Variants in UNC45B observed in about 807,000 individuals in gnomAD.
The protein encoded by UNC45B is protein unc-45 homolog B.
Under a neutral mutation model 98.7 loss-of-function variants are expected in UNC45B, and 78 were observed. The observed-to-expected ratio is 0.79, with a 90% CI of 0.66 to 0.95. The LOEUF (loss-of-function observed/expected upper bound fraction) is 0.95, where lower values mean the gene tolerates loss of function less well. UNC45B is among the 40% of genes least tolerant of loss of function. UNC45B has a pLI of 0.00. For synonymous variants in UNC45B, 462 were observed against 480.4 expected, an observed-to-expected ratio of 0.96 and a Z score of 0.50; for missense variants, 1,225 against 1,184.9, an observed-to-expected ratio of 1.03 and a Z score of -0.50.
At chr17:35,179,177 C>A (rs2092256611) in intron 17 of UNC45B, among the ~76,000 whole-genome samples, 1 of 152,200 alleles carries the variant, frequency 6.6e-6, no homozygotes, top group Non-Finnish European at 1.5e-5. Flanking sequence ...TTGATTCTTC[C>A]AATCCATGAG....
At chr17:35,157,099 T>A (rs2092068438) in intron 7 of UNC45B, among the ~76,000 whole-genome samples, 1 of 152,160 alleles carries the variant, frequency 6.6e-6, no homozygotes, top group Non-Finnish European at 1.5e-5. Flanking sequence ...ATCATAATCT[T>A]CCCTTGTATG....
At position 35,177,548 on chromosome 17, in the gene UNC45B, G is replaced by C. The variant is rs905450657; in HGVS notation, c.2193G>C (p.Gly731=). 1 of 1,566,618 alleles carries C rather than the reference G, an allele frequency of 6.4e-7. No homozygotes were observed. Among genetic ancestry groups the C allele is most frequent in the African/African-American group, 1.4e-5 (1 of 73,804 alleles). ...GACTCTTGGACACACAGAGGGATGG[G>C]CTTCAGAACTATGAGGCTCTCCTAG... ...LVRLLDTQRD[G]LQNYEALLGL... The change falls in exon 17 of 20, where the codon GGG becomes GGC. Residue 731 remains glycine, a synonymous_variant. Coordinates refer to ENST00000394570, the MANE Select transcript of UNC45B (RefSeq NM_001267052.2).
intron 2 of UNC45B, 30 bp from the exon 3 acceptor site, chr17:35,148,943 C>T (rs766918096): frequency 7.4e-6 from 12 of 1,613,842 alleles, no homozygotes; most frequent in Admixed American, 5.0e-5. Context: ...CCACATTAAC[C>T]GAGTCTCCTT....
At chr17:35,175,091 A>AAGAAAGAAAGAAAGAAAG (rs1567766068) in intron 14 of UNC45B, among the ~76,000 whole-genome samples, 7 of 132,676 alleles carry the variant, frequency 5.3e-5, no homozygotes, top group East Asian at 2.1e-4. Context: ...AAGAAAGAGA[A>AAGAAAGAAAGAAAGAAAG]AGAAAGAAAA....
chr17:35,174,401 AG>A (rs2092212198), intron 14 of UNC45B, 32 bp downstream of exon 14: 1 of 1,613,554 alleles, frequency 6.2e-7, no homozygotes, highest in Non-Finnish European at 8.5e-7. Flanking sequence ...GCTTGGAACT[AG>A]GGCTGGGGGC....
At chr17:35,159,636 AG>A (rs1287226096) in intron 8 of UNC45B, 91 bp downstream of exon 8, 2 of 1,411,390 alleles carry the variant, frequency 1.4e-6, no homozygotes, top group Non-Finnish European at 1.9e-6. Context: ...AGGCTCTTGA[AG>A]GGGTCTTCAG....
chr17:35,186,617 T>G lies in UNC45B; in HGVS notation c.*58T>G. ...TGTACTGTGCAGAGTCCTGGGTTGG[T>G]TGGGTTCTCCTGAAGAGTCAGGTCA... is the stretch of plus-strand genomic sequence containing the variant. On this transcript the variant is annotated 3_prime_UTR_variant, in exon 20 of 20. Transcript: ENST00000394570. The G allele has an allele frequency of 1.9e-6, 3 of 1,584,362 alleles. No individual in the cohort carries two copies. Among genetic ancestry groups the G allele is most frequent in the Non-Finnish European group, 2.6e-6 (3 of 1,161,440 alleles).
At position 35,154,694 on chromosome 17, in the gene UNC45B, G is replaced by C. The variant is rs1228619263; in HGVS notation, c.592G>C (p.Ala198Pro). 1.2e-6 allele frequency: 2 copies of C among 1,611,312 alleles called. No homozygotes were observed. Among genetic ancestry groups the C allele is most frequent in the Non-Finnish European group, 1.7e-6 (2 of 1,179,390 alleles). ...LDTKKPELVL[A>P]AVRTLSGMCS... ...CACTAAGAAGCCTGAGCTGGTGCTG[G>C]CTGCAGTGCGGACCCTGTCGGGCAT... The change falls in exon 6 of 20, where the codon GCT becomes CCT. Residue 198 changes from alanine (A) to proline (P), a missense_variant. By Grantham distance (27) the Ala-to-Pro change is conservative (BLOSUM62 -1). Coordinates refer to ENST00000394570, the MANE Select transcript of UNC45B (RefSeq NM_001267052.2).
chr17:35,175,936 T>C, intron 14 of UNC45B, 32 bp from the exon 15 acceptor site: 1 of 1,609,128 alleles, frequency 6.2e-7, no homozygotes, highest in Non-Finnish European at 8.5e-7. Flanking sequence ...TGCTGGTGTA[T>C]TAACTGTTCT....
chr17:35,174,004 G>C (rs1426519042), intron 13 of UNC45B, among the ~76,000 whole-genome samples: 2 of 151,742 alleles, frequency 1.3e-5, no homozygotes, highest in South Asian at 2.1e-4. Context: ...GTAGAGACAG[G>C]GTTTTACCGT....
chr17:35,177,647 G>T, intron 17 of UNC45B, 37 bp downstream of exon 17: 2 of 1,455,246 alleles, frequency 1.4e-6, no homozygotes, highest in South Asian at 2.5e-5. Flanking sequence ...GGAGAGAGGT[G>T]GCTCAAAAAG....
chr17:35,171,421 G>A lies in UNC45B; in HGVS notation c.1789G>A (p.Ala597Thr), dbSNP rs142280963. ...GGTCATCCCAGAGCTTGTCCAGCTC[G>A]CCAAGTTCTCCAAGCAGCATGTGCC... is the stretch of plus-strand genomic sequence containing the variant. The part of the protein sequence containing the change: ...KEVIPELVQL[A>T]KFSKQHVPEE... Residue 597 changes from alanine to threonine, a missense_variant, in exon 13 of 20, where the codon GCC becomes ACC. Transcript: ENST00000394570. The A allele has an allele frequency of 6.8e-5, 110 of 1,614,132 alleles. No homozygotes were observed. The highest frequency in any genetic ancestry group is 4.9e-4 in the Middle Eastern group (3 of 6,062).
intron 4 of UNC45B, 38 bp from the exon 5 acceptor site, chr17:35,152,855 C>A: frequency 1.3e-6 from 2 of 1,540,632 alleles, no homozygotes; most frequent in South Asian, 1.1e-5. Flanking sequence ...GACGTGGACC[C>A]CACCTGCCTC....
chr17:35,171,234 C>A (rs2092183126), intron 12 of UNC45B, 88 bp from the exon 13 acceptor site: 1 of 1,538,746 alleles, frequency 6.5e-7, no homozygotes. Flanking sequence ...CACCAACCTG[C>A]CGGCCACGTG....
In UNC45B at chr17:35,159,499, C is replaced by T; in HGVS notation, c.933C>T (p.Asp311=). 1 of 1,614,092 alleles carries T rather than the reference C, an allele frequency of 6.2e-7. No individual in the cohort carries two copies. The highest frequency in any genetic ancestry group is 8.5e-7 in the Non-Finnish European group (1 of 1,180,010). The change falls in exon 8 of 20, where the codon GAC becomes GAT. Residue 311 remains aspartate (D), a synonymous_variant. Transcript: ENST00000394570. ...NLLNKNVPRK[D]LAIHDNSRTI... ...TCAATAAGAATGTTCCCAGGAAGGA[C>T]CTTGCCATTCATGACAACTCACGTA...
At chr17:35,174,511 G>C in intron 14 of UNC45B, 142 bp downstream of exon 14, 1 of 1,266,476 alleles carries the variant, frequency 7.9e-7, no homozygotes. Context: ...AAAGGTCTGA[G>C]GGGATCAGCT....
In UNC45B at chr17:35,155,658, C is replaced by T. The variant is rs146937853; in HGVS notation, c.808+194C>T. On this transcript the variant is annotated intron_variant, in intron 7 of 19. Transcript: ENST00000394570. ...TAGCGCGATCTAGACTCACTGCAACCTCCTGGATTCAAGCACTTCTCCTGC... is the reference window on the plus strand; with the variant it reads ...TAGCGCGATCTAGACTCACTGCAACTTCCTGGATTCAAGCACTTCTCCTGC... 5.3e-5 allele frequency among the ~76,000 whole-genome samples: 8 copies of T among 152,310 alleles called. No homozygotes were observed. The East Asian group carries it at 1.5e-3, about 29-fold the overall frequency.
At chr17:35,170,028 A>T in intron 11 of UNC45B, 86 bp from the exon 12 acceptor site, 12 of 1,604,688 alleles carry the variant, frequency 7.5e-6, no homozygotes, top group Non-Finnish European at 1.0e-5. Flanking sequence ...AAGGGACCTC[A>T]CCCCTGGTTC....
In UNC45B at chr17:35,171,388, G is replaced by A. The variant is rs749660981; in HGVS notation, c.1756G>A (p.Val586Ile). 1 of 1,614,234 alleles carries A rather than the reference G, an allele frequency of 6.2e-7. No homozygotes were observed. The highest frequency in any genetic ancestry group is 1.7e-5 in the Admixed American group (1 of 60,028). Residue 586 changes from valine to isoleucine, a missense_variant, in exon 13 of 20, where the codon GTC (valine) becomes ATC (isoleucine). Physicochemically the swap from Val to Ile is conservative, Grantham distance 29. Transcript: ENST00000394570. ...GGTGAACTGCACCAACAGCTACGAT[G>A]TCAAGGAGGTCATCCCAGAGCTTGT... Reference protein sequence around the residue: ...TLVNCTNSYDVKEVIPELVQL... With the variant: ...TLVNCTNSYDIKEVIPELVQL...
Sources: gnomAD v4.1 joint callset for allele counts (sites outside exome capture counted in the v4.1 genomes callset) on GRCh38, gnomAD v4.1.1 for gene constraint, MANE v1.5 for transcripts, NCBI Gene and HGNC (gene_info 2026-07-23, HGNC 2026-07-21) for gene names.